Variants in PIEZO2 observed in about 807,000 individuals in gnomAD.
PIEZO2 encodes the protein piezo type mechanosensitive ion channel component 2, also known as piezo-type mechanosensitive ion channel component 2.
PIEZO2 carries 172 observed loss-of-function variants against 337.3 expected under a neutral mutation model. The ratio of observed to expected loss-of-function variants is 0.51; its 90% CI spans 0.45 to 0.58. The LOEUF is 0.58. Ranked by LOEUF, PIEZO2 falls within the 20% of genes least tolerant of loss-of-function variation. The pLI is 0.00. For missense variants in PIEZO2, 3,028 were observed against 3,391.3 expected, an observed-to-expected ratio of 0.89 and a Z score of 2.66; for synonymous variants, 1,251 against 1,228.5, an observed-to-expected ratio of 1.02 and a Z score of -0.38.
intron 2 of PIEZO2, among the ~76,000 whole-genome samples, chr18:10,990,939 G>A: frequency 6.6e-6 from 1 of 151,924 alleles, no homozygotes; most frequent in East Asian, 1.9e-4. Flanking sequence ...GCCTGTTCAT[G>A]AAAATATTAA....
intron 13 of PIEZO2, among the ~76,000 whole-genome samples, chr18:10,793,941 C>T (rs1056784049): frequency 6.6e-5 from 10 of 152,266 alleles, no homozygotes; most frequent in African/African-American, 1.9e-4. Context: ...ACCCCATTTA[C>T]ACCTGCTTGC....
At chr18:10,931,125 A>ACTCT (rs1018123388) in intron 3 of PIEZO2, among the ~76,000 whole-genome samples, 1 of 128,266 alleles carries the variant, frequency 7.8e-6, no homozygotes, top group African/African-American at 2.9e-5. Context: ...AATTCTTCCT[A>ACTCT]CTCTCTCTCT....
At chr18:11,045,912 C>CT (rs1250851930) in intron 2 of PIEZO2, among the ~76,000 whole-genome samples, 33 of 152,352 alleles carry the variant, frequency 2.2e-4, no homozygotes, top group African/African-American at 7.5e-4. Flanking sequence ...AACCCACACT[C>CT]TATCTAGTCC....
At chr18:10,978,392 G>A (rs1242276929) in intron 3 of PIEZO2, among the ~76,000 whole-genome samples, 3 of 151,768 alleles carry the variant, frequency 2.0e-5, no homozygotes, top group African/African-American at 7.3e-5. Flanking sequence ...TATTTTAAAT[G>A]GGTGAATTTT....
intron 44 of PIEZO2, among the ~76,000 whole-genome samples, chr18:10,698,669 G>A (rs1289886331): frequency 6.6e-6 from 1 of 152,216 alleles, no homozygotes; most frequent in Admixed American, 6.5e-5. Flanking sequence ...GTACAAGGCA[G>A]TGTGCCGGCC....
chr18:10,711,130 G>C (rs942387129), intron 39 of PIEZO2, among the ~76,000 whole-genome samples: 2 of 152,104 alleles, frequency 1.3e-5, no homozygotes, highest in Admixed American at 1.3e-4. Flanking sequence ...CATGAGTGTG[G>C]TTTCCTATTT....
intron 3 of PIEZO2, among the ~76,000 whole-genome samples, chr18:10,917,675 GC>G (rs1199172215): frequency 3.3e-5 from 5 of 152,160 alleles, no homozygotes. Flanking sequence ...ATGTGGACCT[GC>G]CCCTCTGCTT....
At chr18:10,738,082 A>AGGCC (rs1423057471) in intron 33 of PIEZO2, 2 of 152,258 alleles carry the variant, frequency 1.3e-5, no homozygotes, top group Non-Finnish European at 2.9e-5. Context: ...AGAAAGAACC[A>AGGCC]GGCCCAGAGT....
chr18:10,805,490 T>TG (rs987225177), intron 8 of PIEZO2, among the ~76,000 whole-genome samples: 2 of 152,238 alleles, frequency 1.3e-5, no homozygotes, highest in African/African-American at 4.8e-5. Flanking sequence ...CACTCCAGCC[T>TG]GGGCAACAAG....
intron 3 of PIEZO2, among the ~76,000 whole-genome samples, chr18:10,972,667 T>G (rs1280700081): frequency 6.6e-6 from 1 of 152,208 alleles, no homozygotes. Flanking sequence ...TGAAAAAGAC[T>G]ATCATAGAGA....
At chr18:10,782,396 A>AATAATTATAATATATTATAATTATATAT (rs1568051384) in intron 17 of PIEZO2, among the ~76,000 whole-genome samples, 3 of 82,614 alleles carry the variant, frequency 3.6e-5, no homozygotes, top group African/African-American at 1.3e-4. Flanking sequence ...ATTATATATA[A>AATAATTATAATATATTATAATTATATAT]ATAATTATAT....
At chr18:10,948,586 C>T (rs2033143602) in intron 3 of PIEZO2, among the ~76,000 whole-genome samples, 1 of 152,084 alleles carries the variant, frequency 6.6e-6, no homozygotes, top group East Asian at 1.9e-4. Context: ...GAGGTTAGGA[C>T]ATGATAGAAA....
chr18:10,877,111 T>C lies in PIEZO2; in HGVS notation c.330-5696A>G, dbSNP rs1249171313. Among the ~76,000 whole-genome samples, 1 of 152,224 alleles carries C rather than the reference T, an allele frequency of 6.6e-6. No homozygotes were observed. Among genetic ancestry groups the C allele is most frequent in the African/African-American group, 2.4e-5 (1 of 41,450 alleles). ...TTGTATTGTAGCCACCAGACTCTTC[T>C]CTACGTCCTACTTAATTGTTGATGA... On this transcript the variant is annotated intron_variant, in intron 4 of 55. Transcript: ENST00000674853. This position sits in a 1 kb window ranked among gnomAD's most constrained non-coding sequence, Gnocchi z 5.3.
At chr18:10,715,849 G>T in intron 37 of PIEZO2, 33 bp from the exon 38 acceptor site, 1 of 1,456,664 alleles carries the variant, frequency 6.9e-7, no homozygotes, top group South Asian at 1.3e-5. Flanking sequence ...GATGTTAAAG[G>T]AACAAAATAC....
rs7242366 is a variant in PIEZO2 at position 10,757,744 on chromosome 18, C to T, written c.3923+225G>A. Reference sequence around the variant, plus strand: ...TTTGGTATGAAGAAGAGGAGGAGAACTGAGGCCATAAAGAGGCGGTTTACA... The same window carrying T: ...TTTGGTATGAAGAAGAGGAGGAGAATTGAGGCCATAAAGAGGCGGTTTACA... On this transcript the variant is annotated intron_variant, in intron 27 of 55. Coordinates refer to ENST00000674853, the MANE Select transcript of PIEZO2 (RefSeq NM_001378183.1). Among the ~76,000 whole-genome samples, 401 of 152,056 alleles carry T rather than the reference C, an allele frequency of 2.6e-3. 2 individuals carry two copies. The highest frequency in any genetic ancestry group is 9.0e-3 in the African/African-American group (374 of 41,412).
chr18:11,108,512 G>C (rs1396055375), intron 1 of PIEZO2, among the ~76,000 whole-genome samples: 1 of 151,440 alleles, frequency 6.6e-6, no homozygotes, highest in African/African-American at 2.4e-5. Flanking sequence ...TACTCAGGAG[G>C]CTGAGGCAGG....
chr18:10,966,846 C>T (rs1229409269), intron 3 of PIEZO2, among the ~76,000 whole-genome samples: 1 of 152,036 alleles, frequency 6.6e-6, no homozygotes, highest in Non-Finnish European at 1.5e-5. Context: ...GCTTAGCTCC[C>T]ACTTATGAGT....
chr18:10,746,882 A>G lies in PIEZO2; in HGVS notation c.4424+1589T>C, dbSNP rs1034370020. On this transcript the variant is annotated intron_variant, in intron 30 of 55. Coordinates refer to ENST00000674853, the MANE Select transcript of PIEZO2 (RefSeq NM_001378183.1). This position sits in a 1 kb window ranked among gnomAD's most constrained non-coding sequence, Gnocchi z 4.2. The stretch of plus-strand genomic sequence containing the variant: ...ATACTGTTTATAGACCACCTACTTT[A>G]TGGTATTTTTGTTATGTCCGCCCAA... Among the ~76,000 whole-genome samples the G allele has an allele frequency of 6.6e-6, 1 of 152,072 alleles. No individual in the cohort carries two copies. Among genetic ancestry groups the G allele is most frequent in the African/African-American group, 2.4e-5 (1 of 41,412 alleles).
At chr18:10,919,874 G>C (rs1568199632) in intron 3 of PIEZO2, among the ~76,000 whole-genome samples, 1 of 145,310 alleles carries the variant, frequency 6.9e-6, no homozygotes, top group Non-Finnish European at 1.5e-5. Flanking sequence ...CACACACAGA[G>C]TAAGTTGAGT....
Sources: gnomAD v4.1 joint callset for allele counts (sites outside exome capture counted in the v4.1 genomes callset) on GRCh38, gnomAD v4.1.1 for gene constraint, Gnocchi (gnomAD v3.1) non-coding constraint, MANE v1.5 for transcripts, NCBI Gene and HGNC (gene_info 2026-07-23, HGNC 2026-07-21) for gene names.